Variants in DAB1 observed in about 807,000 individuals in gnomAD.
DAB1 encodes disabled homolog 1.
Under a neutral mutation model 64.6 loss-of-function variants are expected in DAB1, and 15 were observed. That is an observed-to-expected ratio of 0.23 (90% CI 0.16 to 0.36). The LOEUF is 0.36. Ranked by LOEUF, DAB1 falls within the 10% of genes least tolerant of loss-of-function variation. DAB1 has a pLI of 1.00. For missense variants in DAB1, 596 were observed against 706.7 expected, an observed-to-expected ratio of 0.84 and a Z score of 1.78; for synonymous variants, 235 against 251.9, an observed-to-expected ratio of 0.93 and a Z score of 0.64.
At chr1:58,002,424 C>T (rs898224460) in intron 5 of DAB1, among the ~76,000 whole-genome samples, 2 of 152,096 alleles carry the variant, frequency 1.3e-5, no homozygotes, top group African/African-American at 4.8e-5. Context: ...TACATTGTTC[C>T]ATCTGCCCAT....
chr1:57,659,221 C>A (rs1023047480), intron 6 of DAB1, among the ~76,000 whole-genome samples: 1 of 152,156 alleles, frequency 6.6e-6, no homozygotes, highest in Admixed American at 6.5e-5. Flanking sequence ...GACAAGCTTG[C>A]ACCAAGGCTG....
chr1:58,043,229 C>T (rs1239246114), intron 5 of DAB1, among the ~76,000 whole-genome samples: 1 of 152,156 alleles, frequency 6.6e-6, no homozygotes. Context: ...GTGGCATTTG[C>T]TCCATCTATG....
chr1:58,015,364 T>C lies in DAB1; in HGVS notation n.388-131202A>G, dbSNP rs149465935. The stretch of plus-strand genomic sequence containing the variant: ...TTGGCTCATTTTCCCATCTCCTCTT[T>C]CCATGTTGTCCCCCTCCCCCTAAAC... On this transcript the variant is annotated intron_variant and non_coding_transcript_variant, in intron 5 of 20. Transcript: ENST00000485760. Among the ~76,000 whole-genome samples the C allele has an allele frequency of 3.2e-3, 494 of 152,260 alleles. 3 individuals carry two copies. Among genetic ancestry groups the C allele is most frequent in the African/African-American group, 0.011 (468 of 41,560 alleles).
intron 3 of DAB1, among the ~76,000 whole-genome samples, chr1:57,137,339 G>T (rs557566331): frequency 1.0e-3 from 152 of 152,292 alleles, no homozygotes; most frequent in Middle Eastern, 3.4e-3. Context: ...AAAGGTTGGG[G>T]TGTTACTTTG....
chr1:57,068,165 C>G (rs889755856), intron 8 of DAB1, among the ~76,000 whole-genome samples: 1 of 152,002 alleles, frequency 6.6e-6, no homozygotes, highest in Non-Finnish European at 1.5e-5. Flanking sequence ...TAAAAGGGGC[C>G]CTCTCTTCTT....
chr1:57,070,414 A>G (rs1651342684), intron 7 of DAB1, among the ~76,000 whole-genome samples: 1 of 152,100 alleles, frequency 6.6e-6, no homozygotes, highest in Admixed American at 6.5e-5. Context: ...ACCTCAAGAG[A>G]GATCATCTCC....
At chr1:57,158,638 C>A (rs904557726) in intron 2 of DAB1, among the ~76,000 whole-genome samples, 1 of 152,094 alleles carries the variant, frequency 6.6e-6, no homozygotes, top group South Asian at 2.1e-4. Flanking sequence ...TTCTATCTTG[C>A]AATTATCCAG....
chr1:57,150,760 T>C (rs1235947466), intron 2 of DAB1, among the ~76,000 whole-genome samples: 5 of 152,142 alleles, frequency 3.3e-5, no homozygotes, highest in African/African-American at 1.2e-4. Context: ...GCTTTCCAGA[T>C]AAACAAAATG....
rs148845054 is a variant in DAB1 at position 57,795,252 on chromosome 1, T to TA, written n.551+88746dup. Among the ~76,000 whole-genome samples, 4 of 152,202 alleles carry TA rather than the reference T, an allele frequency of 2.6e-5. No homozygotes were observed. The South Asian group carries it at 8.3e-4, about 32-fold the overall frequency. The stretch of plus-strand genomic sequence containing the variant: ...AAACCTAAGTTATCATCAAAGCATC[T>TA]AAAAAAAATTGTTAGCAGAGACATC... On this transcript the variant is annotated intron_variant and non_coding_transcript_variant, in intron 6 of 20. Transcript: ENST00000485760.
rs117136572 is a variant in DAB1, at chr1:58,429,296, G to A, written n.257+76764C>T. Among the ~76,000 whole-genome samples the A allele has an allele frequency of 1.1e-4, 16 of 152,252 alleles. No homozygotes were observed. In the East Asian group the frequency reaches 2.9e-3, roughly 28 times the overall value. On this transcript the variant is annotated intron_variant and non_coding_transcript_variant, in intron 3 of 20. Transcript: ENST00000485760. ...GTTGGGAGAGTCACCAGGACATAAA[G>A]GGCAACAAAAGTTATAAGACTGGAT...
chr1:58,012,366 T>C (rs1209655579), intron 5 of DAB1, among the ~76,000 whole-genome samples: 1 of 152,162 alleles, frequency 6.6e-6, no homozygotes, highest in Non-Finnish European at 1.5e-5. Flanking sequence ...TTGCCTTCAT[T>C]ATACGTCTCT....
chr1:58,494,150 A>T (rs1645751487), intron 3 of DAB1, among the ~76,000 whole-genome samples: 2 of 152,246 alleles, frequency 1.3e-5, no homozygotes, highest in Non-Finnish European at 2.9e-5. Flanking sequence ...CAAACCTGAC[A>T]AAAATAAGAA....
At chr1:58,478,760 G>A (rs531561498) in intron 3 of DAB1, among the ~76,000 whole-genome samples, 51 of 152,248 alleles carry the variant, frequency 3.3e-4, no homozygotes, top group African/African-American at 5.5e-4. Flanking sequence ...CTGAATTATA[G>A]AAAAGATCGG....
chr1:58,489,697 G>A (rs1645643053), intron 3 of DAB1, among the ~76,000 whole-genome samples: 1 of 152,188 alleles, frequency 6.6e-6, no homozygotes, highest in African/African-American at 2.4e-5. Context: ...CCCCCCAGTA[G>A]GGGCAGACTG....
intron 1 of DAB1, chr1:58,536,531 C>T (rs1045692690): frequency 1.1e-5 from 10 of 872,282 alleles, no homozygotes; most frequent in Admixed American, 1.7e-5. Context: ...ATTCCAGTTC[C>T]GATAAAAGTC....
At chr1:57,638,234 G>A (rs1385647070) in intron 7 of DAB1, among the ~76,000 whole-genome samples, 1 of 151,834 alleles carries the variant, frequency 6.6e-6, no homozygotes, top group Non-Finnish European at 1.5e-5. Context: ...AATCAAAAAG[G>A]GGCTTACAAA....
At chr1:57,000,406 T>C (rs975795063) in intron 14 of DAB1, among the ~76,000 whole-genome samples, 1 of 152,136 alleles carries the variant, frequency 6.6e-6, no homozygotes, top group Non-Finnish European at 1.5e-5. Context: ...GTCTGTTGAA[T>C]TACTGAATGA....
At chr1:57,215,005 A>T (rs1291673992) in intron 2 of DAB1, among the ~76,000 whole-genome samples, 1 of 151,992 alleles carries the variant, frequency 6.6e-6, no homozygotes, top group Non-Finnish European at 1.5e-5. Context: ...ATTAAATTTG[A>T]GAATGGAGAG....
rs549275477 is a variant in DAB1 at position 58,382,750 on chromosome 1, T to C, written n.258-39347A>G. 6.6e-5 allele frequency among the ~76,000 whole-genome samples: 10 copies of C among 152,342 alleles called. No homozygotes were observed. In the South Asian group the frequency reaches 1.9e-3, roughly 28 times the overall value. ...TTGGAAGACAGGACATTTGGCAAAC[T>C]GTCTTCTGCAAAATGACCTTGAGCT... On this transcript the variant is annotated intron_variant and non_coding_transcript_variant, in intron 3 of 20. Transcript: ENST00000485760.
Sources: allele counts gnomAD v4.1 joint callset (sites outside exome capture counted in the v4.1 genomes callset), GRCh38; gene constraint gnomAD v4.1.1; transcripts MANE v1.5; gene names NCBI Gene and HGNC (gene_info 2026-07-23, HGNC 2026-07-21).